Variants in NCOR2 observed in about 807,000 individuals in gnomAD.
NCOR2 encodes the protein CTG repeat protein 26.
A neutral mutation model predicts 262.9 loss-of-function variants in NCOR2; 81 were observed. That is an observed-to-expected ratio of 0.31 (90% CI 0.26 to 0.37). NCOR2 has a LOEUF of 0.37. Among genes scored for constraint, NCOR2 ranks in the 10% least tolerant of loss-of-function variants. NCOR2 has a pLI of 1.00. For synonymous variants in NCOR2, 1,659 were observed against 1,559.3 expected (o/e 1.06, Z -1.51); for missense variants, 3,385 against 3,621.4 (o/e 0.93, Z 1.68).
At chr12:124,347,674 C>T (rs1171638614) in intron 30 of NCOR2, 151 bp downstream of exon 32, 1 of 730,656 alleles carries the variant, frequency 1.4e-6, no homozygotes, top group African/African-American at 1.8e-5. Flanking sequence ...TGCTCCGTAG[C>T]TCACGTACTG....
rs183323706 is a variant in NCOR2 at position 124,441,645 on chromosome 12, T to C, written c.816-3649A>G. Among the ~76,000 whole-genome samples the C allele has an allele frequency of 7.7e-3, 1,178 of 152,344 alleles. 10 individuals are homozygous for C. Among genetic ancestry groups the C allele is most frequent in the South Asian group, 0.018 (89 of 4,834 alleles). Reference sequence around the variant, plus strand: ...CTCAAAGAATCTCCCCGCAAGTATGTATGAATCATGGCGGTGGCTCCACAA... The same window carrying C: ...CTCAAAGAATCTCCCCGCAAGTATGCATGAATCATGGCGGTGGCTCCACAA... On this transcript the variant is annotated intron_variant, in intron 7 of 46. Coordinates refer to ENST00000405201, the Ensembl canonical transcript of NCOR2.
intron 37 of NCOR2, 95 bp downstream of exon 39, chr12:124,339,911 C>CCCA: frequency 1.8e-6 from 2 of 1,090,174 alleles, no homozygotes; most frequent in Non-Finnish European, 1.3e-6. Flanking sequence ...ACCCACCTCC[C>CCCA]ATATACCTCC....
At position 124,389,220 on chromosome 12, in the gene NCOR2, G is replaced by A. The variant is rs893635849; in HGVS notation, c.1877-3333C>T. Among the ~76,000 whole-genome samples, 27 of 152,240 alleles carry A rather than the reference G, an allele frequency of 1.8e-4. No individual in the cohort carries two copies. Among genetic ancestry groups the A allele is most frequent in the Non-Finnish European group, 3.1e-4 (21 of 68,048 alleles). ...GCCAGAGCCCACAGACCCCCGGGCC[G>A]GGCAAAATCCAAGGACCCAGGCCCA... On this transcript the variant is annotated intron_variant, in intron 16 of 46. Transcript: ENST00000405201. The surrounding 1 kb of genome is among the most constrained non-coding windows in gnomAD (Gnocchi z 4.4).
chr12:124,354,715 G>C (rs2037807716), intron 25 of NCOR2, 122 bp downstream of exon 27: 1 of 1,297,288 alleles, frequency 7.7e-7, no homozygotes. Flanking sequence ...GCTGCTGAGG[G>C]GGGACCTCCC....
chr12:124,402,075 A>T (rs1484021790), intron 14 of NCOR2, among the ~76,000 whole-genome samples: 1 of 152,132 alleles, frequency 6.6e-6, no homozygotes, highest in Non-Finnish European at 1.5e-5. Context: ...GAGCGGGAGG[A>T]AGCAGGGAGG....
chr12:124,361,353 A>G (rs1276216320), intron 22 of NCOR2, among the ~76,000 whole-genome samples: 1 of 152,176 alleles, frequency 6.6e-6, no homozygotes, highest in Non-Finnish European at 1.5e-5. Context: ...GCAAGGCACA[A>G]CAGCACCTGC....
chr12:124,438,575 C>T (rs1565944448), intron 7 of NCOR2, among the ~76,000 whole-genome samples: 1 of 152,098 alleles, frequency 6.6e-6, no homozygotes, highest in Admixed American at 6.5e-5. Context: ...CGGTCTCAGA[C>T]TTCAGGGCAG....
intron 1 of NCOR2, among the ~76,000 whole-genome samples, chr12:124,553,251 G>T (rs1566054456): frequency 6.6e-6 from 1 of 152,118 alleles, no homozygotes; most frequent in Non-Finnish European, 1.5e-5. Flanking sequence ...CCTCCAGCCC[G>T]GGCAGATAAT....
chr12:124,450,664 A>C (rs138777179), intron 6 of NCOR2, among the ~76,000 whole-genome samples: 256 of 152,260 alleles, frequency 1.7e-3, no homozygotes, highest in Non-Finnish European at 1.8e-3. Flanking sequence ...GGCTTCAAAG[A>C]GCGTACCAGG....
At chr12:124,466,498 G>A (rs1013391002) in intron 4 of NCOR2, among the ~76,000 whole-genome samples, 1 of 152,152 alleles carries the variant, frequency 6.6e-6, no homozygotes, top group Non-Finnish European at 1.5e-5. Flanking sequence ...AAGCTCCAAA[G>A]CCAGGTTCAA....
At chr12:124,520,311 G>A (rs182227156) in intron 1 of NCOR2, among the ~76,000 whole-genome samples, 5 of 152,316 alleles carry the variant, frequency 3.3e-5, no homozygotes, top group South Asian at 2.1e-4. Flanking sequence ...CCAGACCGTC[G>A]CCAAGACCAG....
At position 124,503,681 on chromosome 12, in the gene NCOR2, T is replaced by C. The variant is rs1486358114; in HGVS notation, c.-117-8313A>G. Among the ~76,000 whole-genome samples, 15 of 143,026 alleles carry C rather than the reference T, an allele frequency of 1.0e-4. No individual in the cohort carries two copies. The highest frequency in any genetic ancestry group is 1.8e-4 in the Non-Finnish European group (12 of 66,402). 93.8% of individuals were successfully genotyped at this position (143,026 alleles called of 152,430 possible). ...ATGGATGGACGGGTGAATGGATGGATGGATGGATGGATGGATGGATGGATG... is the reference window on the plus strand; with the variant it reads ...ATGGATGGACGGGTGAATGGATGGACGGATGGATGGATGGATGGATGGATG... On this transcript the variant is annotated intron_variant, in intron 1 of 46. Transcript: ENST00000404621. The surrounding 1 kb of genome is among the most constrained non-coding windows in gnomAD (Gnocchi z 4.3).
At chr12:124,475,062 A>C (rs2047031049) in intron 3 of NCOR2, among the ~76,000 whole-genome samples, 1 of 152,112 alleles carries the variant, frequency 6.6e-6, no homozygotes, top group South Asian at 2.1e-4. Context: ...AGCCCCAGCA[A>C]GACCCACAGG....
At chr12:124,407,479 G>C (rs1050713971) in intron 13 of NCOR2, among the ~76,000 whole-genome samples, 7 of 152,198 alleles carry the variant, frequency 4.6e-5, no homozygotes, top group African/African-American at 1.7e-4. Flanking sequence ...AGAAATACAG[G>C]AGGCATTCTG....
upstream of NCOR2, among the ~76,000 whole-genome samples, chr12:124,496,551 A>C (rs1482645386): frequency 1.3e-5 from 2 of 152,026 alleles, no homozygotes; most frequent in Non-Finnish European, 2.9e-5. This position sits in a 1 kb window ranked among gnomAD's most constrained non-coding sequence, Gnocchi z 4.4. Context: ...GAGCATACCC[A>C]GCCCTGCAAT....
rs1030886803 is a variant in NCOR2, at chr12:124,531,626, C to T, written c.-118+3939G>A. Reference sequence around the variant, plus strand: ...GATGGCAGAGAGGGAAGGGTGGTGGCGCAGACAGGGAAGGGCAGGGGGCCC... The same window carrying T: ...GATGGCAGAGAGGGAAGGGTGGTGGTGCAGACAGGGAAGGGCAGGGGGCCC... On this transcript the variant is annotated intron_variant, in intron 1 of 46. Transcript: ENST00000404621. The surrounding 1 kb of genome is among the most constrained non-coding windows in gnomAD (Gnocchi z 4.5). Among the ~76,000 whole-genome samples, 8 of 151,942 alleles carry T rather than the reference C, an allele frequency of 5.3e-5. No homozygotes were observed. Among genetic ancestry groups the T allele is most frequent in the South Asian group, 2.1e-4 (1 of 4,824 alleles).
intron 34 of NCOR2, among the ~76,000 whole-genome samples, chr12:124,341,398 C>T (rs949341947): frequency 1.3e-5 from 2 of 152,124 alleles, no homozygotes; most frequent in African/African-American, 4.8e-5. Flanking sequence ...CATCACCATG[C>T]CTGGCTAATT....
Position 124,385,686 on chromosome 12 carries a change from C to T in NCOR2, c.2019+59G>A. 2.5e-6 allele frequency: 4 copies of T among 1,592,966 alleles called. No individual in the cohort carries two copies. The South Asian group carries it at 3.4e-5, about 14-fold the overall frequency. Reference sequence around the variant, plus strand: ...TGGGGTGCAGAGACATCTCCTGAGGCAGTCTGGGCTCCTCTCCCAGCTTCC... The same window carrying T: ...TGGGGTGCAGAGACATCTCCTGAGGTAGTCTGGGCTCCTCTCCCAGCTTCC... On this transcript the variant is annotated intron_variant, in intron 17 of 46. Transcript: ENST00000405201.
chr12:124,416,411 G>A (rs114708859), intron 13 of NCOR2, among the ~76,000 whole-genome samples: 4,642 of 152,228 alleles, frequency 0.03, 149 homozygotes, highest in South Asian at 0.11. Context: ...TGCACTTGAG[G>A]GCCCCATCCC....
Sources: allele counts gnomAD v4.1 joint callset (sites outside exome capture counted in the v4.1 genomes callset), GRCh38; gene constraint gnomAD v4.1.1; non-coding constraint Gnocchi (gnomAD v3.1); transcripts MANE v1.5; gene names NCBI Gene and HGNC (gene_info 2026-07-23, HGNC 2026-07-21).